The following SEC24B variants were observed in gnomAD, a reference collection of about 807,000 sequenced individuals.
SEC24B encodes the protein protein transport protein Sec24B.
SEC24B carries 45 observed loss-of-function variants against 142.8 expected under a neutral mutation model. The ratio of observed to expected loss-of-function variants is 0.32; its 90% CI spans 0.25 to 0.40. SEC24B has a LOEUF of 0.40. SEC24B is among the 10% of genes least tolerant of loss of function. SEC24B has a pLI of 1.00. For synonymous variants in SEC24B, 574 were observed against 568.2 expected (o/e 1.01, Z -0.15); for missense variants, 1,409 against 1,526.8 (o/e 0.92, Z 1.29).
rs751257447 is a variant in SEC24B, at chr4:109,524,775, G to A, written c.2509-43G>A. ...TTATAAAAATGACATGAAAATATGA[G>A]CATAAAGATTGCTAGCTCTTACTAT... On this transcript the variant is annotated intron_variant, in intron 14 of 23. Transcript: ENST00000265175. The A allele has an allele frequency of 1.5e-5, 23 of 1,556,534 alleles. 2 individuals are homozygous for A. The South Asian group carries it at 1.9e-4, about 13-fold the overall frequency.
intron 1 of SEC24B, among the ~76,000 whole-genome samples, chr4:109,448,570 G>T (rs1729708763): frequency 6.6e-6 from 1 of 151,874 alleles, no homozygotes; most frequent in Non-Finnish European, 1.5e-5. Flanking sequence ...AAGTAGCTGA[G>T]ACTACAGGCA....
chr4:109,497,951 T>C (rs1735702140), intron 6 of SEC24B, among the ~76,000 whole-genome samples: 1 of 152,246 alleles, frequency 6.6e-6, no homozygotes, highest in Non-Finnish European at 1.5e-5. Flanking sequence ...TTGTCAACAC[T>C]TGGAATTTTG....
chr4:109,488,435 T>TGTCA (rs1273553069), intron 4 of SEC24B, among the ~76,000 whole-genome samples: 1 of 152,218 alleles, frequency 6.6e-6, no homozygotes, highest in African/African-American at 2.4e-5. Flanking sequence ...TTATGGCATA[T>TGTCA]GTCAGTACTT....
intron 6 of SEC24B, among the ~76,000 whole-genome samples, chr4:109,504,691 C>T (rs942618279): frequency 2.6e-5 from 4 of 152,156 alleles, no homozygotes; most frequent in Non-Finnish European, 5.9e-5. Flanking sequence ...ATTAGTGCCT[C>T]ATACAATGAC....
rs746367510 is a variant in SEC24B at position 109,494,683 on chromosome 4, C to T, written c.1315C>T (p.Pro439Ser). The T allele has an allele frequency of 3.7e-6, 6 of 1,613,888 alleles. No homozygotes were observed. The Admixed American group carries it at 6.7e-5, about 18-fold the overall frequency. Residue 439 changes from proline to serine, a missense_variant, in exon 6 of 24, where the codon CCA becomes TCA. Transcript: ENST00000265175. ...PAPEPDPASA[P>S]APASAPAPVV... Reference sequence around the variant, plus strand: ...CCCTGAACCTGATCCTGCTTCTGCTCCAGCTCCAGCTTCAGCTCCAGCTCC... The same window carrying T: ...CCCTGAACCTGATCCTGCTTCTGCTTCAGCTCCAGCTTCAGCTCCAGCTCC...
intron 6 of SEC24B, among the ~76,000 whole-genome samples, chr4:109,495,797 C>T (rs1161952938): frequency 1.3e-5 from 2 of 152,166 alleles, no homozygotes; most frequent in Admixed American, 1.3e-4. Flanking sequence ...TTCACTCTTG[C>T]AGGCTCCCAG....
At chr4:109,522,180 A>G (rs1723704448) in intron 14 of SEC24B, among the ~76,000 whole-genome samples, 1 of 151,316 alleles carries the variant, frequency 6.6e-6, no homozygotes, top group African/African-American at 2.4e-5. Flanking sequence ...CCTCCCTAGT[A>G]GCTGGGACTA....
At chr4:109,468,706 T>C (rs1732212199) in intron 2 of SEC24B, among the ~76,000 whole-genome samples, 1 of 152,212 alleles carries the variant, frequency 6.6e-6, no homozygotes, top group South Asian at 2.1e-4. Flanking sequence ...TGGATTTATT[T>C]ATGCAGAAGA....
At chr4:109,537,177 GA>G (rs34362971) in intron 22 of SEC24B, among the ~76,000 whole-genome samples, 28,797 of 151,562 alleles carry the variant, frequency 0.19, 3,171 homozygotes, top group African/African-American at 0.3. Flanking sequence ...TCATAATTAG[GA>G]AAAAAAATAG....
At position 109,487,507 on chromosome 4, in the gene SEC24B, G is replaced by A. The variant is rs116067634; in HGVS notation, c.1166-3820G>A. 3.6e-3 allele frequency among the ~76,000 whole-genome samples: 546 copies of A among 152,304 alleles called. 4 individuals carry two copies. The highest frequency in any genetic ancestry group is 0.012 in the African/African-American group (519 of 41,564). On this transcript the variant is annotated intron_variant, in intron 4 of 23. Coordinates refer to ENST00000265175, the MANE Select transcript of SEC24B (RefSeq NM_006323.5). ...AAGTTTGTTTTATGACAGTGTGAAG[G>A]CATTTACACCTTATTCACTAAGATG...
At chr4:109,438,766 G>C (rs1034109488) in intron 1 of SEC24B, among the ~76,000 whole-genome samples, 18 of 152,200 alleles carry the variant, frequency 1.2e-4, no homozygotes, top group African/African-American at 3.6e-4. Context: ...AGCTTGACTT[G>C]ATTTCAAGTC....
At chr4:109,507,401 G>T (rs892516224) in intron 7 of SEC24B, among the ~76,000 whole-genome samples, 3 of 148,572 alleles carry the variant, frequency 2.0e-5, no homozygotes, top group African/African-American at 7.4e-5. Context: ...CAGCCACCAA[G>T]TAGCTGAGAT....
chr4:109,475,296 G>A (rs577965761), intron 3 of SEC24B, among the ~76,000 whole-genome samples: 1 of 152,286 alleles, frequency 6.6e-6, no homozygotes, highest in Non-Finnish European at 1.5e-5. Flanking sequence ...TTGAGTCAGG[G>A]CTACCACATA....
intron 8 of SEC24B, among the ~76,000 whole-genome samples, chr4:109,511,582 G>A (rs1737336289): frequency 6.6e-6 from 1 of 152,190 alleles, no homozygotes; most frequent in East Asian, 1.9e-4. Context: ...GTCAGAAGTT[G>A]CTGTGGCAGT....
At chr4:109,507,449 T>C (rs1736817219) in intron 7 of SEC24B, among the ~76,000 whole-genome samples, 1 of 151,754 alleles carries the variant, frequency 6.6e-6, no homozygotes, top group Non-Finnish European at 1.5e-5. Context: ...AATTTTTGTA[T>C]TTTTATTAGA....
Position 109,532,650 on chromosome 4 carries a change from TG to T in SEC24B, c.3403del (p.Val1135LeufsTer19). On this transcript the variant is annotated frameshift_variant, in exon 21 of 24. Coordinates refer to ENST00000265175, the MANE Select transcript of SEC24B (RefSeq NM_006323.5). LOFTEE classifies it high-confidence loss of function. ...CTTTTTCTTTTCAGGGTGCAGTACA[TG>T]TTAATGACAGGATTGTACCACAGCC... Reference protein sequence around the residue: ...DRLTDEGAVHVNDRIVPQPPL... With the variant: ...DRLTDEGAVHXNDRIVPQPPL... The T allele has an allele frequency of 6.2e-7, 1 of 1,612,504 alleles. No homozygotes were observed. Among genetic ancestry groups the T allele is most frequent in the Non-Finnish European group, 8.5e-7 (1 of 1,178,600 alleles).
intron 1 of SEC24B, among the ~76,000 whole-genome samples, chr4:109,437,103 G>T (rs749004114): frequency 6.6e-6 from 1 of 152,154 alleles, no homozygotes; most frequent in Non-Finnish European, 1.5e-5. Flanking sequence ...GAGCCATCTT[G>T]TGGGACTGAA....
Position 109,520,420 on chromosome 4 carries a change from T to G in SEC24B, c.2181T>G (p.Ile727Met). ...GATTCATGACCTTTGATAGCACTAT[T>G]CATTTCTACAATTTACAAGAAGGAT... ...RIGFMTFDSTIHFYNLQEGLS... is the reference protein window; with the variant it reads ...RIGFMTFDSTMHFYNLQEGLS... Residue 727 changes from isoleucine (I) to methionine (M), a missense_variant, in exon 12 of 24, where the codon ATT becomes ATG. Ile to Met is a conservative substitution (Grantham distance 10). This residue lies in a region of SEC24B where 700 missense variants were observed against 853.3 expected (regional missense o/e 0.82). Transcript: ENST00000265175. The G allele has an allele frequency of 6.2e-7, 1 of 1,612,724 alleles. No homozygotes were observed. The highest frequency in any genetic ancestry group is 8.5e-7 in the Non-Finnish European group (1 of 1,178,958).
intron 3 of SEC24B, among the ~76,000 whole-genome samples, chr4:109,478,064 T>G (rs949277061): frequency 1.3e-5 from 2 of 152,100 alleles, no homozygotes; most frequent in Non-Finnish European, 2.9e-5. Flanking sequence ...GGTGGATCAT[T>G]TGAGGTCAGG....
Sources: allele counts gnomAD v4.1 joint callset (sites outside exome capture counted in the v4.1 genomes callset), GRCh38; gene constraint gnomAD v4.1.1; regional missense constraint gnomAD v4.1.1; transcripts MANE v1.5; gene names NCBI Gene and HGNC (gene_info 2026-07-23, HGNC 2026-07-21).